The following DLG5 variants were observed in gnomAD, a reference collection of about 807,000 sequenced individuals.
DLG5 encodes discs large MAGUK scaffold protein 5, also known as disks large homolog 5.
DLG5 carries 48 observed loss-of-function variants against 189.8 expected under a neutral mutation model. The ratio of observed to expected loss-of-function variants is 0.25; its 90% confidence interval spans 0.20 to 0.32. The LOEUF is 0.32. Ranked by LOEUF, DLG5 falls within the 10% of genes least tolerant of loss-of-function variation. The probability of loss-of-function intolerance (pLI) is 1.00; values close to 1 mark genes in which losing one functional copy is unlikely to be tolerated. For missense variants in DLG5, 2,160 were observed against 2,544.7 expected (o/e 0.85, Z 3.25); for synonymous variants, 1,016 against 1,054.1 (o/e 0.96, Z 0.70).
chr10:77,914,223 G>A (rs1055385665), intron 1 of DLG5, among the ~76,000 whole-genome samples: 27 of 152,328 alleles, frequency 1.8e-4, no homozygotes, highest in Middle Eastern at 3.4e-3. Flanking sequence ...AGAGAAGCAT[G>A]GGCCTCCTCG....
chr10:77,867,283 G>A (rs1014284373), intron 2 of DLG5, among the ~76,000 whole-genome samples: 6 of 152,192 alleles, frequency 3.9e-5, no homozygotes, highest in African/African-American at 1.4e-4. Flanking sequence ...ATGCACATGT[G>A]CCTAGGAAAG....
chr10:77,859,565 A>G (rs1246831781), intron 2 of DLG5, among the ~76,000 whole-genome samples: 1 of 152,246 alleles, frequency 6.6e-6, no homozygotes, highest in Non-Finnish European at 1.5e-5. Context: ...TACCGTAGCC[A>G]GTACAGTACC....
chr10:77,887,919 T>C (rs1845488369), intron 1 of DLG5, among the ~76,000 whole-genome samples: 1 of 152,210 alleles, frequency 6.6e-6, no homozygotes, highest in Non-Finnish European at 1.5e-5. Context: ...GATTTTCATC[T>C]GAAAAACTCA....
At chr10:77,933,735 T>A in the DLG5 span, among the ~76,000 whole-genome samples, 1 of 142,468 alleles carries the variant, frequency 7.0e-6, no homozygotes, top group African/African-American at 2.6e-5. Flanking sequence ...AAAAAAAAAA[T>A]TGCGTTTCTT....
intron 23 of DLG5, among the ~76,000 whole-genome samples, chr10:77,810,786 C>A (rs1841725251): frequency 1.3e-5 from 2 of 152,118 alleles, no homozygotes; most frequent in South Asian, 4.1e-4. Flanking sequence ...CAGGGCCTGG[C>A]CGGGTGATGA....
chr10:77,806,738 C>CCCCCCCCCCCCCCCCCCCA lies in DLG5; in HGVS notation c.4967+19_4967+20insTGGGGGGGGGGGGGGGGGG. 1 of 1,574,714 alleles carries CCCCCCCCCCCCCCCCCCCA rather than the reference C, an allele frequency of 6.4e-7. No homozygotes were observed. The highest frequency in any genetic ancestry group is 8.7e-7 in the Non-Finnish European group (1 of 1,147,900). On this transcript the variant is annotated intron_variant, in intron 26 of 31. Transcript: ENST00000372391. ...CGGCGACCCCTGCCCCACCCCACCC[C>CCCCCCCCCCCCCCCCCCCA]AGGCCCGGAGAACACTTACACATAT...
intron 25 of DLG5, 27 bp from the exon 26 acceptor site, chr10:77,806,955 ATCAGGCGGC>A: frequency 6.3e-7 from 1 of 1,594,598 alleles, no homozygotes. Context: ...AAGGAACACG[ATCAGGCGGC>A]TCTGGCCACC....
chr10:77,807,689 C>G, intron 25 of DLG5, 107 bp downstream of exon 25: 2 of 1,346,542 alleles, frequency 1.5e-6, no homozygotes, highest in South Asian at 2.8e-5. Context: ...ATCATGGCCC[C>G]AGCCTTGGGG....
chr10:77,852,810 T>A (rs1844045698), intron 5 of DLG5, among the ~76,000 whole-genome samples: 1 of 152,208 alleles, frequency 6.6e-6, no homozygotes, highest in African/African-American at 2.4e-5. Context: ...CAATGCGAAC[T>A]CATGGCTTTC....
At chr10:77,889,710 G>A (rs1014456497) in intron 1 of DLG5, among the ~76,000 whole-genome samples, 2 of 152,170 alleles carry the variant, frequency 1.3e-5, no homozygotes, top group Admixed American at 6.5e-5. Flanking sequence ...ATCTGCCTCC[G>A]TATCTTTATG....
intron 3 of DLG5, among the ~76,000 whole-genome samples, chr10:77,855,253 C>T (rs1405013160): frequency 6.6e-6 from 1 of 152,196 alleles, no homozygotes; most frequent in African/African-American, 2.4e-5. Flanking sequence ...ACCTGCAGCA[C>T]AGTATCACCT....
chr10:77,882,849 G>C (rs1184422798), intron 1 of DLG5, among the ~76,000 whole-genome samples: 2 of 151,660 alleles, frequency 1.3e-5, no homozygotes, highest in Middle Eastern at 3.4e-3. Context: ...GGGAAACAGA[G>C]GTTGCAGTGG....
Position 77,887,505 on chromosome 10 carries a change from T to A in DLG5, c.305-18308A>T, listed in dbSNP as rs186817547. On this transcript the variant is annotated intron_variant, in intron 1 of 31. Transcript: ENST00000372391. ...TTATTTTTTAAATAAGCACTGTTGCTTTGGTAGTCAGAAAAAAAAATTAAT... is the reference window on the plus strand; with the variant it reads ...TTATTTTTTAAATAAGCACTGTTGCATTGGTAGTCAGAAAAAAAAATTAAT... 1.2e-4 allele frequency among the ~76,000 whole-genome samples: 19 copies of A among 152,270 alleles called. No individual in the cohort carries two copies. The East Asian group carries it at 3.7e-3, about 29-fold the overall frequency.
intron 7 of DLG5, among the ~76,000 whole-genome samples, chr10:77,836,883 C>CA (rs200207944): frequency 0.059 from 8,532 of 145,030 alleles, 364 homozygotes; most frequent in Non-Finnish European, 0.08. Context: ...TTGCTATTTT[C>CA]AAAAAAAAAA....
chr10:77,791,110 A>T lies in DLG5; in HGVS notation c.*1330T>A, dbSNP rs953721689. ...TGTGCAAGAAAATATATCCCTTTTT[A>T]AAAAACATCAGTTATGGCTAAACTA... On this transcript the variant is annotated 3_prime_UTR_variant, in exon 32 of 32. Transcript: ENST00000372391. 8 of 152,632 alleles carry T rather than the reference A, an allele frequency of 5.2e-5. No homozygotes were observed. The highest frequency in any genetic ancestry group is 1.9e-4 in the East Asian group (1 of 5,196). 9.5% of individuals were successfully genotyped at this position (152,632 alleles called of 1,614,324 possible).
rs1846684264 is a variant in DLG5, at chr10:77,926,170, A to G, written c.304+47T>C. ...GTACCCTCGGCCAGCAGGAGGGAGAAGCGGAGGGCGCGTCCCAGAGGCGGG... is the reference window on the plus strand; with the variant it reads ...GTACCCTCGGCCAGCAGGAGGGAGAGGCGGAGGGCGCGTCCCAGAGGCGGG... On this transcript the variant is annotated intron_variant, in intron 1 of 31. Transcript: ENST00000372391. This position sits in a 1 kb window ranked among gnomAD's most constrained non-coding sequence, Gnocchi z 5.2. 1 of 1,322,244 alleles carries G rather than the reference A, an allele frequency of 7.6e-7. No homozygotes were observed. The highest frequency in any genetic ancestry group is 9.7e-7 in the Non-Finnish European group (1 of 1,027,540). 81.9% of individuals were successfully genotyped at this position (1,322,244 alleles called of 1,614,324 possible).
At chr10:77,924,281 G>A (rs1846621032) in intron 1 of DLG5, among the ~76,000 whole-genome samples, 1 of 152,166 alleles carries the variant, frequency 6.6e-6, no homozygotes, top group African/African-American at 2.4e-5. Flanking sequence ...TAAAACTGGG[G>A]TCTGAAATCA....
intron 2 of DLG5, among the ~76,000 whole-genome samples, chr10:77,860,403 T>C (rs896527128): frequency 8.5e-5 from 13 of 152,220 alleles, no homozygotes. Context: ...GTTCAAGCGA[T>C]TCTCCTGCCT....
intron 20 of DLG5, 144 bp from the exon 21 acceptor site, chr10:77,812,521 G>A (rs1841830521): frequency 2.2e-6 from 2 of 912,514 alleles, no homozygotes; most frequent in Admixed American, 5.5e-5. Flanking sequence ...GCTACATGGG[G>A]ACATGGTGGG....
Sources: allele counts gnomAD v4.1 joint callset (sites outside exome capture counted in the v4.1 genomes callset), GRCh38; gene constraint gnomAD v4.1.1; non-coding constraint Gnocchi (gnomAD v3.1); transcripts MANE v1.5; gene names NCBI Gene and HGNC (gene_info 2026-07-23, HGNC 2026-07-21).